Variants in WDR62 observed in about 807,000 individuals in gnomAD.
WDR62 encodes the protein WD repeat domain 62.
Under a neutral mutation model 160.6 loss-of-function variants are expected in WDR62, and 112 were observed. The ratio of observed to expected loss-of-function variants is 0.70; its 90% CI spans 0.60 to 0.82. The LOEUF (loss-of-function observed/expected upper bound fraction) is 0.82, where lower values mean the gene tolerates loss of function less well. WDR62 is among the 40% of genes least tolerant of loss of function. The probability of loss-of-function intolerance (pLI) is 0.00; values close to 1 mark genes in which losing one functional copy is unlikely to be tolerated. For missense variants in WDR62, 1,819 were observed against 1,983.8 expected (o/e 0.92, Z 1.58); for synonymous variants, 792 against 815.1 (o/e 0.97, Z 0.48).
chr19:36,109,592 G>T (rs1419470669), downstream of WDR62, among the ~76,000 whole-genome samples: 1 of 151,308 alleles, frequency 6.6e-6, no homozygotes, highest in Admixed American at 6.6e-5. Flanking sequence ...AAATTAGCCG[G>T]GTGTGGTGGT....
chr19:36,103,320 A>G, intron 29 of WDR62, 23 bp from the exon 30 acceptor site: 2 of 1,613,392 alleles, frequency 1.2e-6, no homozygotes, highest in East Asian at 4.5e-5. Context: ...TGGTGGAGTC[A>G]GTGCCATCTG....
At chr19:36,071,833 A>T in intron 8 of WDR62, 117 bp downstream of exon 8, 1 of 1,350,116 alleles carries the variant, frequency 7.4e-7, no homozygotes, top group Non-Finnish European at 9.9e-7. Context: ...ACCCATCATG[A>T]CTCTCAGCCC....
At chr19:36,062,905 A>G (rs1319672706) in intron 3 of WDR62, among the ~76,000 whole-genome samples, 1 of 151,848 alleles carries the variant, frequency 6.6e-6, no homozygotes, top group Non-Finnish European at 1.5e-5. Flanking sequence ...AGTCTCTTTC[A>G]GGCTGACGTG....
intron 7 of WDR62, among the ~76,000 whole-genome samples, chr19:36,068,564 C>T (rs935273804): frequency 3.9e-5 from 6 of 152,164 alleles, no homozygotes; most frequent in Non-Finnish European, 8.8e-5. Context: ...TGACTCTTAA[C>T]GAGTCTGCTG....
chr19:36,070,642 G>A (rs1328554914), intron 7 of WDR62: 5 of 152,210 alleles, frequency 3.3e-5, no homozygotes, highest in South Asian at 2.1e-4. Context: ...TTGTGGAAGA[G>A]TTCCAAGTTT....
At chr19:36,073,983 T>C (rs1971442286) in intron 9 of WDR62, 1 of 333,740 alleles carries the variant, frequency 3.0e-6, no homozygotes, top group African/African-American at 2.2e-5. Flanking sequence ...AGGTCGTTTA[T>C]GTATTTCACT....
At chr19:36,095,844 T>C (rs1358002175) in intron 20 of WDR62, among the ~76,000 whole-genome samples, 1 of 152,224 alleles carries the variant, frequency 6.6e-6, no homozygotes, top group African/African-American at 2.4e-5. Flanking sequence ...GCGGATATTG[T>C]CCGGAATCTT....
rs778002650 is a variant in WDR62 at position 36,092,842 on chromosome 19, G to A, written c.2333+31G>A. On this transcript the variant is annotated intron_variant, in intron 19 of 31. Coordinates refer to ENST00000401500, the MANE Select transcript of WDR62 (RefSeq NM_001083961.2). ...GGCAGCCCCTGCCTGTCCACCAGAG[G>A]GATGAGTCCCTGCCAGGGCCCCATG... The A allele has an allele frequency of 2.5e-6, 4 of 1,613,264 alleles. No individual in the cohort carries two copies. The African/African-American group carries it at 5.3e-5, about 22-fold the overall frequency.
At chr19:36,073,834 G>A in intron 9 of WDR62, 1 of 439,378 alleles carries the variant, frequency 2.3e-6, no homozygotes, top group South Asian at 1.8e-5. Flanking sequence ...GAGGAGAGGG[G>A]TCAGGGAAGG....
In WDR62 at chr19:36,073,545, C is replaced by A. The variant is rs893312267; in HGVS notation, c.1233+14C>A. The stretch of plus-strand genomic sequence containing the variant: ...TGGAACGTGGAGGTGAGCCCCCCCC[C>A]CACCCCCTTGCCCCTGCTTGGCCTC... On this transcript the variant is annotated intron_variant, in intron 9 of 31. Coordinates refer to ENST00000401500, the MANE Select transcript of WDR62 (RefSeq NM_001083961.2). The A allele has an allele frequency of 1.3e-6, 2 of 1,496,918 alleles. No individual in the cohort carries two copies. The highest frequency in any genetic ancestry group is 1.4e-5 in the African/African-American group (1 of 72,278). The allele number at this position is 1,496,918 out of a possible 1,614,324, so 92.7% of individuals were successfully genotyped here.
At chr19:36,069,374 G>A (rs915152142) in intron 7 of WDR62, among the ~76,000 whole-genome samples, 10 of 150,986 alleles carry the variant, frequency 6.6e-5, no homozygotes, top group Middle Eastern at 3.4e-3. Flanking sequence ...GGGTAGAGGC[G>A]CTCCTCACAT....
At position 36,104,712 on chromosome 19, in the gene WDR62, G is replaced by T. The variant is rs555534288; in HGVS notation, c.4311+37G>T. ...CCCAGAGTTGGGAAAGGGTTGAGGG[G>T]TCTCTTGAGACCGCCCGGCCTTGGT... On this transcript the variant is annotated intron_variant, in intron 31 of 31. Coordinates refer to ENST00000401500, the MANE Select transcript of WDR62 (RefSeq NM_001083961.2). 6.8e-6 allele frequency: 11 copies of T among 1,613,924 alleles called. No homozygotes were observed. The East Asian group carries it at 2.0e-4, about 29-fold the overall frequency.
intron 10 of WDR62, chr19:36,081,952 G>A (rs1317670622): frequency 1.4e-5 from 6 of 438,858 alleles, no homozygotes; most frequent in Admixed American, 1.3e-4. Flanking sequence ...CCTCACGGGG[G>A]TATGGGCAGA....
intron 3 of WDR62, among the ~76,000 whole-genome samples, chr19:36,065,154 G>A (rs1391285782): frequency 6.6e-6 from 1 of 152,210 alleles, no homozygotes; most frequent in Non-Finnish European, 1.5e-5. Flanking sequence ...AGAGGCGAGT[G>A]GATATCCAGG....
At position 36,099,490 on chromosome 19, in the gene WDR62, A is replaced by G. The variant is rs2145846619; in HGVS notation, c.2612A>G (p.Glu871Gly). The G allele has an allele frequency of 2.5e-6, 4 of 1,614,070 alleles. No homozygotes were observed. In the South Asian group the frequency reaches 3.3e-5, roughly 13 times the overall value. Residue 871 changes from glutamate to glycine, a missense_variant, in exon 22 of 32, where the codon GAG becomes GGG. Transcript: ENST00000401500. ...CGCTGGGCAGAGCGGGCCGGCCAAG[A>G]GCCCCTCAAGACCATCCTGGATGCC... The part of the protein sequence containing the change: ...HGRWAERAGQ[E>G]PLKTILDAQD...
At chr19:36,088,831 C>A (rs565885782) in intron 13 of WDR62, among the ~76,000 whole-genome samples, 82 of 152,342 alleles carry the variant, frequency 5.4e-4, no homozygotes, top group Non-Finnish European at 6.6e-4. Context: ...GCAGAGCCTG[C>A]CTTGGCCACA....
In WDR62 at chr19:36,103,998, A is replaced by G; in HGVS notation, c.4153+17A>G. 2 of 1,597,116 alleles carry G rather than the reference A, an allele frequency of 1.3e-6. No homozygotes were observed. Among genetic ancestry groups the G allele is most frequent in the Non-Finnish European group, 1.7e-6 (2 of 1,179,770 alleles). On this transcript the variant is annotated intron_variant, in intron 30 of 31. Coordinates refer to ENST00000401500, the MANE Select transcript of WDR62 (RefSeq NM_001083961.2). Reference sequence around the variant, plus strand: ...CCACCTCCGGTGAGTACAGCCCTGGAGCAAGGACTGTCCCCTAAGCTCATC... The same window carrying G: ...CCACCTCCGGTGAGTACAGCCCTGGGGCAAGGACTGTCCCCTAAGCTCATC...
chr19:36,056,468 C>G (rs765505539), intron 1 of WDR62, among the ~76,000 whole-genome samples: 8 of 152,186 alleles, frequency 5.3e-5, no homozygotes. Context: ...GAGTCCTCAG[C>G]CTGGGCTTTT....
rs200738311 is a variant in WDR62, at chr19:36,102,966, T to C, written c.3354T>C (p.Pro1118=). 1.9e-6 allele frequency: 3 copies of C among 1,614,048 alleles called. No individual in the cohort carries two copies. In the South Asian group the frequency reaches 3.3e-5, roughly 18 times the overall value. The change falls in exon 28 of 32, where the codon CCT becomes CCC. Residue 1118 remains proline (P), a synonymous_variant. Coordinates refer to ENST00000401500, the MANE Select transcript of WDR62 (RefSeq NM_001083961.2). ...CCCACAGGTTCACCCATACCTTCCCTCCCCGGGCAACCCAGTGCCTTGTGA... is the reference window on the plus strand; with the variant it reads ...CCCACAGGTTCACCCATACCTTCCCCCCCCGGGCAACCCAGTGCCTTGTGA... ...QKASRFTHTF[P]PRATQCLVKS...
Sources: allele counts gnomAD v4.1 joint callset (sites outside exome capture counted in the v4.1 genomes callset), GRCh38; gene constraint gnomAD v4.1.1; transcripts MANE v1.5; gene names NCBI Gene and HGNC (gene_info 2026-07-23, HGNC 2026-07-21).